CALM3: variants seen among roughly 807,000 people sequenced by gnomAD.
The protein encoded by CALM3 is calmodulin 3.
A neutral mutation model predicts 20.1 loss-of-function variants in CALM3; 5 were observed. The ratio of observed to expected loss-of-function variants is 0.25; its 90% confidence interval spans 0.13 to 0.52. The LOEUF (loss-of-function observed/expected upper bound fraction) is 0.52. Among genes scored for constraint, CALM3 ranks in the 20% least tolerant of loss-of-function variants. The pLI, the probability that CALM3 is intolerant of heterozygous loss-of-function variation, is 0.96. For missense variants in CALM3, 57 were observed against 192.8 expected, an observed-to-expected ratio of 0.30 and a Z score of 4.17; for synonymous variants, 69 against 68.1, an observed-to-expected ratio of 1.01 and a Z score of -0.06.
Position 46,601,358 on chromosome 19 carries a change from G to C in CALM3, c.-77G>C. 6.9e-7 allele frequency: 1 copy of C among 1,449,316 alleles called. No individual in the cohort carries two copies. Among genetic ancestry groups the C allele is most frequent in the Non-Finnish European group, 9.2e-7 (1 of 1,091,890 alleles). 89.8% of individuals were successfully genotyped at this position (1,449,316 alleles called of 1,614,324 possible). On this transcript the variant is annotated 5_prime_UTR_variant, in exon 1 of 6. Transcript: ENST00000291295. The surrounding 1 kb of genome is among the most constrained non-coding windows in gnomAD (Gnocchi z 4.2). ...GAGTGTGGAGGCGCGGACGCGCGGC[G>C]GAGCTGGAACTGCTGCAGCTGCTGC...
chr19:46,601,101 G>A (rs1375683579), upstream of CALM3: 3 of 969,288 alleles, frequency 3.1e-6, no homozygotes, highest in African/African-American at 3.3e-5. The surrounding 1 kb of genome is among the most constrained non-coding windows in gnomAD (Gnocchi z 4.2). Context: ...TCCGGCGACG[G>A]GAGCGAGCGC....
At position 46,605,790 on chromosome 19, in the gene CALM3, G is replaced by A. The variant is rs188865816; in HGVS notation, c.4-37G>A. 198 of 1,612,876 alleles carry A rather than the reference G, an allele frequency of 1.2e-4. 1 individual carries two copies. The African/African-American group carries it at 1.9e-3, about 16-fold the overall frequency. ...TGAGGAAGATGCGTCCGTGCTGTCC[G>A]GCCTGGTGACTGACTTTCCCCTTCA... On this transcript the variant is annotated intron_variant, in intron 1 of 5. Transcript: ENST00000291295. This position sits in a 1 kb window ranked among gnomAD's most constrained non-coding sequence, Gnocchi z 4.1.
In CALM3 at chr19:46,605,908, AGCC is replaced by A; in HGVS notation, c.34+52_34+54del. ...AGCTCAGGAAAGCCTCCACATCCCC[AGCC>A]AAATCTTAGCCACTGAGGAGTGACA... On this transcript the variant is annotated intron_variant, in intron 2 of 5. Coordinates refer to ENST00000291295, the MANE Select transcript of CALM3 (RefSeq NM_005184.4). This position sits in a 1 kb window ranked among gnomAD's most constrained non-coding sequence, Gnocchi z 4.1. The A allele has an allele frequency of 6.4e-7, 1 of 1,573,202 alleles. No homozygotes were observed. Among genetic ancestry groups the A allele is most frequent in the Non-Finnish European group, 8.7e-7 (1 of 1,143,088 alleles).
At chr19:46,603,675 A>G (rs1971681216) in intron 1 of CALM3, among the ~76,000 whole-genome samples, 1 of 152,238 alleles carries the variant, frequency 6.6e-6, no homozygotes, top group Admixed American at 6.5e-5. Context: ...ACCTTGAGCA[A>G]GGATCAATGA....
chr19:46,605,896 C>T lies in CALM3; in HGVS notation c.34+39C>T. The T allele has an allele frequency of 2.5e-6, 4 of 1,603,284 alleles. No individual in the cohort carries two copies. The highest frequency in any genetic ancestry group is 3.4e-6 in the Non-Finnish European group (4 of 1,170,288). On this transcript the variant is annotated intron_variant, in intron 2 of 5. Coordinates refer to ENST00000291295, the MANE Select transcript of CALM3 (RefSeq NM_005184.4). This position sits in a 1 kb window ranked among gnomAD's most constrained non-coding sequence, Gnocchi z 4.1. The stretch of plus-strand genomic sequence containing the variant: ...CCCCCTCATCTTAGCTCAGGAAAGC[C>T]TCCACATCCCCAGCCAAATCTTAGC...
Position 46,605,727 on chromosome 19 carries a change from TG to T in CALM3, c.4-98del. The stretch of plus-strand genomic sequence containing the variant: ...TCCCTGGCCCGGCGGGAATGGCACG[TG>T]GAGCTGGCCTCACTGGGGCCGAGGG... On this transcript the variant is annotated intron_variant, in intron 1 of 5. Transcript: ENST00000291295. The surrounding 1 kb of genome is among the most constrained non-coding windows in gnomAD (Gnocchi z 4.1). 1 of 1,169,594 alleles carries T rather than the reference TG, an allele frequency of 8.5e-7. No homozygotes were observed. The highest frequency in any genetic ancestry group is 1.3e-6 in the Non-Finnish European group (1 of 781,988). 72.5% of individuals were successfully genotyped at this position (1,169,594 alleles called of 1,614,324 possible).
At position 46,602,211 on chromosome 19, in the gene CALM3, G is replaced by T. The variant is rs747798589; in HGVS notation, c.3+774G>T. 34 of 1,355,034 alleles carry T rather than the reference G, an allele frequency of 2.5e-5. No individual in the cohort carries two copies. The highest frequency in any genetic ancestry group is 2.1e-4 in the Middle Eastern group (1 of 4,756). The allele number at this position is 1,355,034 out of a possible 1,614,324, so 83.9% of individuals were successfully genotyped here. A position where few individuals can be genotyped will look rare whatever the true frequency, so the allele number is the denominator to read the frequency against. On this transcript the variant is annotated intron_variant, in intron 1 of 5. Coordinates refer to ENST00000291295, the MANE Select transcript of CALM3 (RefSeq NM_005184.4). ...GTCGTGGAGGTGGTGAAAAGGGATG[G>T]TGAGAGTGGGGCTCGCCAGTAGTCG... is the stretch of plus-strand genomic sequence containing the variant.
At chr19:46,601,172 CGTA>C, upstream of CALM3, 1 of 519,474 alleles carries the variant, frequency 1.9e-6, no homozygotes. The surrounding 1 kb of genome is among the most constrained non-coding windows in gnomAD (Gnocchi z 4.2). Flanking sequence ...TTCGCGGGCC[CGTA>C]GGTGTGGAGC....
upstream of CALM3, chr19:46,601,107 A>C (rs532656423): frequency 6.1e-4 from 541 of 893,236 alleles, 2 homozygotes; most frequent in African/African-American, 7.4e-3. This position sits in a 1 kb window ranked among gnomAD's most constrained non-coding sequence, Gnocchi z 4.2. Flanking sequence ...GACGGGAGCG[A>C]GCGCGCGCGC....
At chr19:46,604,387 C>A (rs1971696946) in intron 1 of CALM3, among the ~76,000 whole-genome samples, 1 of 151,970 alleles carries the variant, frequency 6.6e-6, no homozygotes, top group South Asian at 2.1e-4. Flanking sequence ...TTTGGCCTCC[C>A]CACCTCCCCT....
Position 46,601,495 on chromosome 19 carries a change from A to G in CALM3, c.3+58A>G. The G allele has an allele frequency of 3.6e-6, 5 of 1,379,082 alleles. No homozygotes were observed. The South Asian group carries it at 7.6e-5, about 21-fold the overall frequency. 85.4% of individuals were successfully genotyped at this position (1,379,082 alleles called of 1,614,324 possible). A position where few individuals can be genotyped will look rare whatever the true frequency, so the allele number is the denominator to read the frequency against. ...GGCTCTGAGGCGGGCTTAACGGGGCAGGACCCCTGAGGGGGCGACAGAGCC... is the reference window on the plus strand; with the variant it reads ...GGCTCTGAGGCGGGCTTAACGGGGCGGGACCCCTGAGGGGGCGACAGAGCC... On this transcript the variant is annotated intron_variant, in intron 1 of 5. Transcript: ENST00000291295. This position sits in a 1 kb window ranked among gnomAD's most constrained non-coding sequence, Gnocchi z 4.2.
chr19:46,601,569 A>C lies in CALM3; in HGVS notation c.3+132A>C. The stretch of plus-strand genomic sequence containing the variant: ...GGCGAGAGCCTCGGGACCCTTTTCT[A>C]CCCGCGTTGTCGGGGGCTGTTGAAC... On this transcript the variant is annotated intron_variant, in intron 1 of 5. Transcript: ENST00000291295. The surrounding 1 kb of genome is among the most constrained non-coding windows in gnomAD (Gnocchi z 4.2). 1.2e-6 allele frequency: 1 copy of C among 863,026 alleles called. No homozygotes were observed. The highest frequency in any genetic ancestry group is 1.6e-6 in the Non-Finnish European group (1 of 626,532). The allele number at this position is 863,026 out of a possible 1,614,324, so 53.5% of individuals were successfully genotyped here. A position where few individuals can be genotyped will look rare whatever the true frequency, so the allele number is the denominator to read the frequency against.
chr19:46,606,246 A>AC, intron 2 of CALM3: 2 of 207,194 alleles, frequency 9.7e-6, no homozygotes, highest in Non-Finnish European at 1.9e-5. Context: ...GGAGCCGCCC[A>AC]GGAGCTGGCT....
chr19:46,606,933 G>C (rs977269054), intron 2 of CALM3, among the ~76,000 whole-genome samples: 9 of 152,174 alleles, frequency 5.9e-5, no homozygotes, highest in Admixed American at 1.3e-4. Context: ...AACCGGCTGT[G>C]TAACAAGTAC....
Position 46,610,178 on chromosome 19 carries a change from T to TCGGCCAGCTGCCCAGGGGA in CALM3, c.*1030_*1048dup, listed in dbSNP as rs1212526742. ...ACGCACCTGCAATAAAACAGTCTTG[T>TCGGCCAGCTGCCCAGGGGA]CGGCCAGCTGCCCAGGGGACGGCAG... On this transcript the variant is annotated 3_prime_UTR_variant, in exon 6 of 6. Transcript: ENST00000291295. 1 of 152,622 alleles carries TCGGCCAGCTGCCCAGGGGA rather than the reference T, an allele frequency of 6.6e-6. No individual in the cohort carries two copies. Among genetic ancestry groups the TCGGCCAGCTGCCCAGGGGA allele is most frequent in the African/African-American group, 2.4e-5 (1 of 41,414 alleles). The allele number at this position is 152,622 out of a possible 1,614,324, so 9.5% of individuals were successfully genotyped here. A position where few individuals can be genotyped will look rare whatever the true frequency, so the allele number is the denominator to read the frequency against.
chr19:46,601,895 A>G lies in CALM3; in HGVS notation c.3+458A>G, dbSNP rs910725980. ...GAGAGGATGCGGGGAACGGGGGACGAAGGGAGGCTGGGCTGCTCCTGGATG... is the reference window on the plus strand; with the variant it reads ...GAGAGGATGCGGGGAACGGGGGACGGAGGGAGGCTGGGCTGCTCCTGGATG... On this transcript the variant is annotated intron_variant, in intron 1 of 5. Coordinates refer to ENST00000291295, the MANE Select transcript of CALM3 (RefSeq NM_005184.4). The surrounding 1 kb of genome is among the most constrained non-coding windows in gnomAD (Gnocchi z 4.2). Among the ~76,000 whole-genome samples, 2 of 151,766 alleles carry G rather than the reference A, an allele frequency of 1.3e-5. No individual in the cohort carries two copies. The highest frequency in any genetic ancestry group is 4.8e-5 in the African/African-American group (2 of 41,306).
intron 5 of CALM3, 44 bp downstream of exon 5, chr19:46,609,025 G>A (rs768160180): frequency 1.1e-5 from 18 of 1,607,542 alleles, no homozygotes; most frequent in East Asian, 2.2e-5. Flanking sequence ...GAAGAGAATC[G>A]CAGCTTCAGG....
At chr19:46,604,275 G>A (rs927275901) in intron 1 of CALM3, among the ~76,000 whole-genome samples, 17 of 152,218 alleles carry the variant, frequency 1.1e-4, no homozygotes, top group Admixed American at 9.2e-4. Context: ...TGGGAGGTGG[G>A]GGGCAGGTGG....
At chr19:46,602,056 G>T (rs1971632875) in intron 1 of CALM3, 1 of 1,279,122 alleles carries the variant, frequency 7.8e-7, no homozygotes, top group Non-Finnish European at 1.0e-6. Context: ...GGGGAGGGTG[G>T]TCTCCAGAGC....
Sources: gnomAD v4.1 joint callset for allele counts (sites outside exome capture counted in the v4.1 genomes callset) on GRCh38, gnomAD v4.1.1 for gene constraint, Gnocchi (gnomAD v3.1) non-coding constraint, MANE v1.5 for transcripts, NCBI Gene and HGNC (gene_info 2026-07-23, HGNC 2026-07-21) for gene names.